The following ZFP64 variants were observed in gnomAD, a reference collection of about 807,000 sequenced individuals.
The protein encoded by ZFP64 is zinc finger protein 64.
ZFP64 carries 14 observed loss-of-function variants against 51.6 expected under a neutral mutation model. The observed-to-expected ratio is 0.27, with a 90% CI of 0.18 to 0.42. The LOEUF is 0.42. Among genes scored for constraint, ZFP64 ranks in the 10% least tolerant of loss-of-function variants. The pLI is 1.00. For synonymous variants in ZFP64, 375 were observed against 361.4 expected, an observed-to-expected ratio of 1.04 and a Z score of -0.43; for missense variants, 754 against 906.8, an observed-to-expected ratio of 0.83 and a Z score of 2.16.
At chr20:52,095,349 C>A (rs1355128081) in intron 7 of ZFP64, among the ~76,000 whole-genome samples, 2 of 152,158 alleles carry the variant, frequency 1.3e-5, no homozygotes, top group African/African-American at 4.8e-5. Flanking sequence ...AGAGCTGCAC[C>A]CTTGGGATGA....
rs368695221 is a variant in ZFP64 at position 52,156,906 on chromosome 20, G to A, written c.763+3217C>T. ...GAACAGTGAAAGTGTTTTATAAGCTGCATATGATAAAAGACTACAAGAAAG... is the reference window on the plus strand; with the variant it reads ...GAACAGTGAAAGTGTTTTATAAGCTACATATGATAAAAGACTACAAGAAAG... On this transcript the variant is annotated intron_variant, in intron 5 of 5. Transcript: ENST00000216923. Among the ~76,000 whole-genome samples the A allele has an allele frequency of 1.5e-4, 23 of 152,296 alleles. No homozygotes were observed. In the East Asian group the frequency reaches 3.1e-3, roughly 20 times the overall value.
At position 52,171,906 on chromosome 20, in the gene ZFP64, C is replaced by T. The variant is rs1982771926; in HGVS notation, c.287-5881G>A. ...GGGACTACAGGTGCCTGCCACAGTG[C>T]CCAGCTAGTTTTTGTATTTTTAGTA... On this transcript the variant is annotated intron_variant, in intron 2 of 5. Transcript: ENST00000216923. Among the ~76,000 whole-genome samples, 3 of 152,048 alleles carry T rather than the reference C, an allele frequency of 2.0e-5. No homozygotes were observed. In the South Asian group the frequency reaches 6.2e-4, roughly 32 times the overall value.
Position 52,127,770 on chromosome 20 carries a change from G to A in ZFP64, c.764-29183C>T. Among the ~76,000 whole-genome samples, 3 of 152,182 alleles carry A rather than the reference G, an allele frequency of 2.0e-5. 1 individual carries two copies. The East Asian group carries it at 5.8e-4, about 29-fold the overall frequency. ...CTTTTTTTCACCATACTTGTGTTGA[G>A]AGTGACTTTAAAGCAGTATTGTAGT... On this transcript the variant is annotated intron_variant, in intron 5 of 8. Coordinates refer to the ZFP64 transcript ENST00000361387.
At chr20:52,168,846 C>T (rs1446702769) in intron 2 of ZFP64, among the ~76,000 whole-genome samples, 1 of 152,198 alleles carries the variant, frequency 6.6e-6, no homozygotes, top group East Asian at 1.9e-4. Flanking sequence ...AGCAATTAAA[C>T]TCAATACATA....
At chr20:52,175,863 CGCCCCCG>C in intron 2 of ZFP64, 1 of 375,948 alleles carries the variant, frequency 2.7e-6, no homozygotes, top group Non-Finnish European at 3.6e-6. Context: ...CCCCCGCTGC[CGCCCCCG>C]CCCCCAAAAT....
chr20:52,125,888 G>T (rs1189388838), intron 5 of ZFP64, among the ~76,000 whole-genome samples: 3 of 146,392 alleles, frequency 2.0e-5, no homozygotes, highest in African/African-American at 7.5e-5. Context: ...ATGGTTTTTT[G>T]TTTTTTTTTT....
At chr20:52,172,949 C>T (rs1354563602) in intron 2 of ZFP64, among the ~76,000 whole-genome samples, 1 of 152,120 alleles carries the variant, frequency 6.6e-6, no homozygotes, top group Non-Finnish European at 1.5e-5. Context: ...TGGTTTGTAG[C>T]AGGGGCATAT....
chr20:52,098,439 T>C (rs760387215), exon 6 of ZFP64: 1 of 1,613,970 alleles, frequency 6.2e-7, no homozygotes, highest in Non-Finnish European at 8.5e-7. Context: ...TACTCTTACC[T>C]GGGTAGCAAC....
At chr20:52,127,011 G>A (rs1171088697) in intron 5 of ZFP64, among the ~76,000 whole-genome samples, 1 of 151,316 alleles carries the variant, frequency 6.6e-6, no homozygotes, top group Non-Finnish European at 1.5e-5. Context: ...GAGTGCAGTG[G>A]TGTGATCTCA....
chr20:52,177,719 A>C (rs1242907981), intron 2 of ZFP64, among the ~76,000 whole-genome samples: 1 of 152,040 alleles, frequency 6.6e-6, no homozygotes, highest in African/African-American at 2.4e-5. Flanking sequence ...TGTTGTGCAC[A>C]CTTTTAGTTT....
At chr20:52,103,529 C>T (rs1208193156) in intron 5 of ZFP64, among the ~76,000 whole-genome samples, 1 of 152,218 alleles carries the variant, frequency 6.6e-6, no homozygotes, top group Non-Finnish European at 1.5e-5. Flanking sequence ...CGACACCCTC[C>T]CCATGCCCGA....
chr20:52,093,802 G>A (rs751409802), intron 7 of ZFP64, among the ~76,000 whole-genome samples: 3 of 152,196 alleles, frequency 2.0e-5, no homozygotes, highest in Non-Finnish European at 4.4e-5. Context: ...TGCAGATTCT[G>A]ATTCAGTAGG....
chr20:52,159,706 G>A (rs1346920498), intron 5 of ZFP64, among the ~76,000 whole-genome samples: 6 of 152,176 alleles, frequency 3.9e-5, no homozygotes, highest in Non-Finnish European at 5.9e-5. Flanking sequence ...GAAAAAGTTA[G>A]CTGGGTGTGG....
intron 5 of ZFP64, among the ~76,000 whole-genome samples, chr20:52,132,037 T>A (rs1445033338): frequency 6.6e-6 from 1 of 152,012 alleles, no homozygotes; most frequent in Non-Finnish European, 1.5e-5. Flanking sequence ...CTGACCACAA[T>A]GGGACAAAAC....
rs895115430 is a variant in ZFP64 at position 52,160,875 on chromosome 20, G to A, written c.512-501C>T. Among the ~76,000 whole-genome samples, 2 of 152,174 alleles carry A rather than the reference G, an allele frequency of 1.3e-5. No homozygotes were observed. The highest frequency in any genetic ancestry group is 2.9e-5 in the Non-Finnish European group (2 of 68,026). ...AAAGCGATGGCAGAGAAAGTAAAGT[G>A]TGTCTCTTTCACAAGAGGAAACGGC... On this transcript the variant is annotated intron_variant, in intron 4 of 5. Coordinates refer to ENST00000216923, the MANE Select transcript of ZFP64 (RefSeq NM_018197.3). This position sits in a 1 kb window ranked among gnomAD's most constrained non-coding sequence, Gnocchi z 4.2.
At chr20:52,144,594 A>AAAAAAAAAT (rs1980428741) in intron 5 of ZFP64, among the ~76,000 whole-genome samples, 1 of 148,828 alleles carries the variant, frequency 6.7e-6, no homozygotes, top group Non-Finnish European at 1.5e-5. Flanking sequence ...AAAAAAAAAA[A>AAAAAAAAAT]AAAAAAAATG....
At position 52,085,172 on chromosome 20, in the gene ZFP64, A is replaced by G; in HGVS notation, c.1323T>C (p.Pro441=). 1 of 1,614,228 alleles carries G rather than the reference A, an allele frequency of 6.2e-7. No individual in the cohort carries two copies. The highest frequency in any genetic ancestry group is 1.1e-5 in the South Asian group (1 of 91,090). Reference sequence around the variant, plus strand: ...GGACGTCGCAGAACTCGCACTTGAAAGGCTTCTCCCCCGAGTGCACGATCA... The same window carrying G: ...GGACGTCGCAGAACTCGCACTTGAAGGGCTTCTCCCCCGAGTGCACGATCA... Residue 441 remains proline, a synonymous_variant, in exon 9 of 9, where the codon CCT becomes CCC. Coordinates refer to the ZFP64 transcript ENST00000361387. This position sits in a 1 kb window ranked among gnomAD's most constrained non-coding sequence, Gnocchi z 4.3.
chr20:52,099,064 T>C (rs1051796623), intron 5 of ZFP64, among the ~76,000 whole-genome samples: 1 of 150,396 alleles, frequency 6.6e-6, no homozygotes, highest in African/African-American at 2.4e-5. Context: ...CCTCTTCCCC[T>C]TACTACGGTT....
intron 2 of ZFP64, among the ~76,000 whole-genome samples, chr20:52,179,303 A>G (rs972452246): frequency 6.6e-6 from 1 of 152,196 alleles, no homozygotes; most frequent in Non-Finnish European, 1.5e-5. Context: ...TAAACTGTTC[A>G]GTCTCTGGTA....
Sources: gnomAD v4.1 joint callset for allele counts (sites outside exome capture counted in the v4.1 genomes callset) on GRCh38, gnomAD v4.1.1 for gene constraint, Gnocchi (gnomAD v3.1) non-coding constraint, MANE v1.5 for transcripts, NCBI Gene and HGNC (gene_info 2026-07-23, HGNC 2026-07-21) for gene names.